CEP250: variants seen among roughly 807,000 people sequenced by gnomAD.
CEP250 encodes centrosomal protein 250.
Under a neutral mutation model 315.7 loss-of-function variants are expected in CEP250, and 242 were observed. That is an observed-to-expected ratio of 0.77 (90% CI 0.69 to 0.85). CEP250 has a LOEUF of 0.85. CEP250 is among the 40% of genes least tolerant of loss of function. CEP250 has a pLI of 0.00. For synonymous variants in CEP250, 1,088 were observed against 1,175.0 expected, an observed-to-expected ratio of 0.93 and a Z score of 1.51; for missense variants, 2,515 against 2,886.4, an observed-to-expected ratio of 0.87 and a Z score of 2.95.
chr20:35,464,981 C>T (rs901133412), intron 5 of CEP250, among the ~76,000 whole-genome samples: 5 of 152,302 alleles, frequency 3.3e-5, no homozygotes, highest in South Asian at 2.1e-4. Context: ...TTATGTTCAA[C>T]TTATGATGGA....
intron 22 of CEP250, 25 bp downstream of exon 22, chr20:35,491,371 G>A: frequency 6.4e-7 from 1 of 1,568,728 alleles, no homozygotes; most frequent in Non-Finnish European, 8.6e-7. Flanking sequence ...CTCGGGAGTA[G>A]GGGAGAAAGG....
At position 35,493,910 on chromosome 20, in the gene CEP250, T is replaced by C. The variant is rs1294351533; in HGVS notation, c.3033+338T>C. 2.0e-5 allele frequency among the ~76,000 whole-genome samples: 3 copies of C among 152,260 alleles called. No individual in the cohort carries two copies. The East Asian group carries it at 5.8e-4, about 29-fold the overall frequency. On this transcript the variant is annotated intron_variant, in intron 23 of 34. Coordinates refer to ENST00000397527, the MANE Select transcript of CEP250 (RefSeq NM_007186.6). ...CAGAATCCTATATCAAATGATGTTC[T>C]GACTTTTCATTTTTAAAAAAGCAAT...
intron 3 of CEP250, among the ~76,000 whole-genome samples, chr20:35,461,906 ATTATC>A (rs1322457601): frequency 6.6e-6 from 1 of 152,060 alleles, no homozygotes; most frequent in African/African-American, 2.4e-5. Flanking sequence ...GTTTTCTCAT[ATTATC>A]TTATTATTTC....
In CEP250 at chr20:35,496,576, G is replaced by A; in HGVS notation, c.3168-1G>A. On this transcript the variant is annotated splice_acceptor_variant, in intron 24 of 34. Coordinates refer to ENST00000397527, the MANE Select transcript of CEP250 (RefSeq NM_007186.6). LOFTEE classifies it high-confidence loss of function. Reference sequence around the variant, plus strand: ...CAGCACTCTGACCCCTCTCTTTTTAGCCTGACTCTCTCACTGATGGAAAAG... The same window carrying A: ...CAGCACTCTGACCCCTCTCTTTTTAACCTGACTCTCTCACTGATGGAAAAG... 1 of 1,613,226 alleles carries A rather than the reference G, an allele frequency of 6.2e-7. No individual in the cohort carries two copies. The highest frequency in any genetic ancestry group is 8.5e-7 in the Non-Finnish European group (1 of 1,179,708).
At chr20:35,472,987 TG>T (rs2063063044) in intron 12 of CEP250, among the ~76,000 whole-genome samples, 156 bp downstream of exon 12, 2 of 152,324 alleles carry the variant, frequency 1.3e-5, no homozygotes, top group South Asian at 4.1e-4. Context: ...CTATGTCTGC[TG>T]AATTGTGCTT....
chr20:35,456,822 C>T (rs545222204), intron 1 of CEP250, among the ~76,000 whole-genome samples: 2 of 151,392 alleles, frequency 1.3e-5, no homozygotes, highest in Non-Finnish European at 2.9e-5. Context: ...TCTCAGTCAC[C>T]CAGGCTGGAG....
chr20:35,481,509 C>G (rs2146908747), intron 20 of CEP250, among the ~76,000 whole-genome samples: 1 of 152,174 alleles, frequency 6.6e-6, no homozygotes, highest in Admixed American at 6.5e-5. Context: ...TTTAACACCA[C>G]AAATTATGAT....
At chr20:35,482,440 C>T (rs1173928424) in intron 20 of CEP250, among the ~76,000 whole-genome samples, 5 of 151,766 alleles carry the variant, frequency 3.3e-5, no homozygotes, top group East Asian at 1.9e-4. Context: ...TTGTATTCAC[C>T]GTGTTAGCCA....
At position 35,511,870 on chromosome 20, in the gene CEP250, G is replaced by A. The variant is rs1218526972; in HGVS notation, c.*244G>A. On this transcript the variant is annotated 3_prime_UTR_variant, in exon 35 of 35. Coordinates refer to ENST00000397527, the MANE Select transcript of CEP250 (RefSeq NM_007186.6). ...ATCACCCAGAGGGGTGCCTTGCCCT[G>A]GCTGAGGGACATGTACTGCCTCTCA... 2 of 1,330,448 alleles carry A rather than the reference G, an allele frequency of 1.5e-6. No homozygotes were observed. The highest frequency in any genetic ancestry group is 3.5e-5 in the Admixed American group (1 of 28,364). The allele number at this position is 1,330,448 out of a possible 1,614,324, so 82.4% of individuals were successfully genotyped here.
rs760732709 is a variant in CEP250, at chr20:35,479,343, G to C, written c.2207G>C (p.Arg736Pro). 6.2e-7 allele frequency: 1 copy of C among 1,614,212 alleles called. No homozygotes were observed. Among genetic ancestry groups the C allele is most frequent in the Non-Finnish European group, 8.5e-7 (1 of 1,180,044 alleles). The change falls in exon 18 of 35, where the codon CGA becomes CCA. Residue 736 changes from arginine to proline, a missense_variant. Transcript: ENST00000397527. ...RAVQEKEALV[R>P]EKAALEVRLQ... ...GTCCAGGAGAAGGAGGCCCTAGTAC[G>C]AGAGAAAGCGGCTCTAGAGGTGCGG...
intron 3 of CEP250, among the ~76,000 whole-genome samples, chr20:35,461,881 G>GA (rs2062764550): frequency 3.7e-4 from 1 of 2,716 alleles, no homozygotes; most frequent in Admixed American, 0.014. Context: ...CTCCCAGGCT[G>GA]GGTTCTCTTC....
chr20:35,461,947 T>C (rs1336021991), intron 3 of CEP250, among the ~76,000 whole-genome samples: 1 of 152,230 alleles, frequency 6.6e-6, no homozygotes, highest in African/African-American at 2.4e-5. Flanking sequence ...TGTATTGTAA[T>C]AGTTTGTGTC....
chr20:35,484,933 A>C (rs1017096205), intron 20 of CEP250, among the ~76,000 whole-genome samples: 1 of 152,132 alleles, frequency 6.6e-6, no homozygotes, highest in African/African-American at 2.4e-5. Context: ...ACAAAACATT[A>C]TTGTTTTCTA....
Position 35,507,987 on chromosome 20 carries a change from A to G in CEP250, c.6751-48A>G, listed in dbSNP as rs116453376. 4.3e-3 allele frequency: 6,882 copies of G among 1,611,774 alleles called. 266 individuals carry two copies. In the African/African-American group the frequency reaches 0.078, roughly 18 times the overall value. On this transcript the variant is annotated intron_variant, in intron 31 of 34. Transcript: ENST00000397527. Reference sequence around the variant, plus strand: ...TCTGTGTGTCCTCTGTCTGTTCCCTACCTGTCTTAGGGGCTGCCCAGGTGA... The same window carrying G: ...TCTGTGTGTCCTCTGTCTGTTCCCTGCCTGTCTTAGGGGCTGCCCAGGTGA...
chr20:35,482,510 A>AT (rs1235684447), intron 20 of CEP250, among the ~76,000 whole-genome samples: 2 of 151,882 alleles, frequency 1.3e-5, no homozygotes, highest in African/African-American at 4.8e-5. Context: ...AAGTGCTGGG[A>AT]TTACAGGCGT....
rs767653907 is a variant in CEP250 at position 35,494,643 on chromosome 20, G to C, written c.3153G>C (p.Glu1051Asp). 5.0e-6 allele frequency: 8 copies of C among 1,613,972 alleles called. No homozygotes were observed. Among genetic ancestry groups the C allele is most frequent in the Non-Finnish European group, 6.8e-6 (8 of 1,179,998 alleles). ...ATAACCGAATTCAGAAGGAGCTGGAGAGAGAGAAAGCCAGGTAGGCTAGAT... is the reference window on the plus strand; with the variant it reads ...ATAACCGAATTCAGAAGGAGCTGGACAGAGAGAAAGCCAGGTAGGCTAGAT... ...QEYNRIQKEL[E>D]REKASLTLSL... is the part of the protein sequence containing the mutation. The change falls in exon 24 of 35, where the codon GAG (glutamate) becomes GAC (aspartate). Residue 1051 changes from glutamate (E) to aspartate (D), a missense_variant. Physicochemically the swap from Glu to Asp is conservative, Grantham distance 45. Coordinates refer to ENST00000397527, the MANE Select transcript of CEP250 (RefSeq NM_007186.6).
rs778993326 is a variant in CEP250 at position 35,462,563 on chromosome 20, C to T, written c.186+10C>T. 2 of 1,586,366 alleles carry T rather than the reference C, an allele frequency of 1.3e-6. No homozygotes were observed. The highest frequency in any genetic ancestry group is 1.7e-6 in the Non-Finnish European group (2 of 1,165,744). Reference sequence around the variant, plus strand: ...GAAGCTGCAGGCCAAGGTGAGGCAGCTGCCCTTTTGGGGAGGGGAAAGAGA... The same window carrying T: ...GAAGCTGCAGGCCAAGGTGAGGCAGTTGCCCTTTTGGGGAGGGGAAAGAGA... On this transcript the variant is annotated intron_variant, in intron 4 of 34. Coordinates refer to ENST00000397527, the MANE Select transcript of CEP250 (RefSeq NM_007186.6).
At chr20:35,463,345 G>C (rs1476507487) in intron 4 of CEP250, among the ~76,000 whole-genome samples, 2 of 152,258 alleles carry the variant, frequency 1.3e-5, no homozygotes, top group Non-Finnish European at 2.9e-5. Context: ...GGAGGTTGCA[G>C]TGAGCCAAGA....
chr20:35,467,963 T>TTTTTTTA (rs2062930746), intron 9 of CEP250, among the ~76,000 whole-genome samples: 1 of 149,586 alleles, frequency 6.7e-6, no homozygotes, highest in Admixed American at 6.6e-5. Flanking sequence ...TTTTTTTTTT[T>TTTTTTTA]GAGACGGAGT....
Sources: allele counts gnomAD v4.1 joint callset (sites outside exome capture counted in the v4.1 genomes callset), GRCh38; gene constraint gnomAD v4.1.1; transcripts MANE v1.5; gene names NCBI Gene and HGNC (gene_info 2026-07-23, HGNC 2026-07-21).